Variants in UGT1A7 observed in about 807,000 individuals in gnomAD.
UGT1A7 encodes UDP-glucuronosyltransferase 1A7.
UGT1A7 carries 33 observed loss-of-function variants against 45.6 expected under a neutral mutation model. The ratio of observed to expected loss-of-function variants is 0.72; its 90% CI spans 0.55 to 0.97. The LOEUF is 0.97. UGT1A7 is among the 50% of genes least tolerant of loss of function. UGT1A7 has a pLI of 0.00. For synonymous variants in UGT1A7, 274 were observed against 250.6 expected (o/e 1.09, Z -0.88); for missense variants, 684 against 666.2 (o/e 1.03, Z -0.29).
intron 1 of UGT1A7, among the ~76,000 whole-genome samples, chr2:233,715,142 T>C (rs555034486): frequency 2.0e-5 from 3 of 152,334 alleles, no homozygotes; most frequent in Admixed American, 2.0e-4. Flanking sequence ...CACCTCAGCC[T>C]GCCAAAGTGC....
At position 233,772,640 on chromosome 2, in the gene UGT1A7, C is replaced by T; in HGVS notation, c.*81C>T. On this transcript the variant is annotated 3_prime_UTR_variant, in exon 5 of 5. Transcript: ENST00000373426. ...TTGAAAACAGAATCAGTGTTAAATTCATTTTATTCTTATTAAGGAAATACT... is the reference window on the plus strand; with the variant it reads ...TTGAAAACAGAATCAGTGTTAAATTTATTTTATTCTTATTAAGGAAATACT... 2 of 1,552,730 alleles carry T rather than the reference C, an allele frequency of 1.3e-6. No individual in the cohort carries two copies. The highest frequency in any genetic ancestry group is 1.7e-6 in the Non-Finnish European group (2 of 1,148,442).
intron 1 of UGT1A7, chr2:233,693,996 G>A: frequency 6.6e-7 from 1 of 1,508,250 alleles, no homozygotes; most frequent in South Asian, 1.3e-5. Context: ...GTGATACCCG[G>A]CTCGGAGCAG....
Position 233,729,749 on chromosome 2 carries a change from T to C in UGT1A7, c.856-37285T>C, listed in dbSNP as rs747302247. On this transcript the variant is annotated intron_variant, in intron 1 of 4. Coordinates refer to ENST00000373426, the MANE Select transcript of UGT1A7 (RefSeq NM_019077.3). ...ACCAATTCAGACCACATGACATTCA[T>C]GCAAAGGGTCAAGAACATGCTCTAC... The C allele has an allele frequency of 6.2e-6, 10 of 1,613,882 alleles. No homozygotes were observed. In the Admixed American group the frequency reaches 8.3e-5, roughly 13 times the overall value.
intron 4 of UGT1A7, 143 bp downstream of exon 4, chr2:233,768,582 CTTTTT>C: frequency 1.9e-3 from 1,917 of 1,027,810 alleles, no homozygotes; most frequent in East Asian, 5.4e-3. Flanking sequence ...TTTATTTCTT[CTTTTT>C]TTTTTTTTTT....
intron 1 of UGT1A7, chr2:233,693,250 T>A (rs139492272): frequency 1.9e-6 from 3 of 1,614,198 alleles, no homozygotes; most frequent in Non-Finnish European, 2.5e-6. Context: ...CAGTGCCGTA[T>A]GACCAAGAAG....
At chr2:233,764,342 C>T (rs1016981784) in intron 1 of UGT1A7, among the ~76,000 whole-genome samples, 3 of 152,154 alleles carry the variant, frequency 2.0e-5, no homozygotes, top group Admixed American at 1.3e-4. Context: ...ATGGACTTCA[C>T]CTTTATTGAG....
At chr2:233,730,105 C>T (rs1305477066) in intron 1 of UGT1A7, 1 of 1,574,650 alleles carries the variant, frequency 6.4e-7, no homozygotes, top group Non-Finnish European at 8.6e-7. Context: ...TATTTCATTT[C>T]TGCTTCTCCT....
chr2:233,759,341 G>A (rs1697111060), intron 1 of UGT1A7, among the ~76,000 whole-genome samples: 1 of 152,134 alleles, frequency 6.6e-6, no homozygotes, highest in Non-Finnish European at 1.5e-5. Context: ...GTTCAGGTGA[G>A]CGCTGAAAAT....
intron 1 of UGT1A7, chr2:233,729,580 G>T (rs1173823141): frequency 2.5e-6 from 4 of 1,613,992 alleles, no homozygotes; most frequent in Non-Finnish European, 3.4e-6. Flanking sequence ...GGTTTTAACA[G>T]ACCCCGTTAA....
intron 1 of UGT1A7, chr2:233,761,072 A>T (rs1451879441): frequency 1.2e-6 from 2 of 1,614,208 alleles, no homozygotes; most frequent in Non-Finnish European, 1.7e-6. Flanking sequence ...GACTTTGTGA[A>T]GGATTACCCT....
intron 1 of UGT1A7, among the ~76,000 whole-genome samples, chr2:233,683,553 C>G (rs989486799): frequency 6.6e-6 from 1 of 152,058 alleles, no homozygotes; most frequent in South Asian, 2.1e-4. Flanking sequence ...TGAGATTGGC[C>G]TTCTTTTGCT....
At chr2:233,747,425 A>T in intron 1 of UGT1A7, 8 of 1,445,640 alleles carry the variant, frequency 5.5e-6, no homozygotes, top group Non-Finnish European at 7.7e-6. Flanking sequence ...ACATCAAACA[A>T]GAGAAATTTT....
intron 1 of UGT1A7, chr2:233,747,077 TAGG>T: frequency 9.2e-7 from 1 of 1,083,878 alleles, no homozygotes; most frequent in South Asian, 1.6e-5. Context: ...AATAATTAAC[TAGG>T]AGGAGAGCAC....
In UGT1A7 at chr2:233,682,172, A is replaced by G. The variant is rs1163934109; in HGVS notation, c.235A>G (p.Thr79Ala). Residue 79 changes from threonine to alanine, a missense_variant, in exon 1 of 5, where the codon ACC becomes GCC. Physicochemically the swap from Thr to Ala is moderately conservative, Grantham distance 58. Transcript: ENST00000373426. ...SLNCTVKTYS[T>A]SYTLEDQDRE... ...GAATTGCACAGTGAAGACTTACTCA[A>G]CCTCATACACTCTGGAGGATCAGGA... The G allele has an allele frequency of 6.2e-6, 10 of 1,614,058 alleles. No individual in the cohort carries two copies. The highest frequency in any genetic ancestry group is 3.3e-5 in the Admixed American group (2 of 60,006).
At chr2:233,763,063 T>C (rs1220667382) in intron 1 of UGT1A7, among the ~76,000 whole-genome samples, 1 of 152,230 alleles carries the variant, frequency 6.6e-6, no homozygotes, top group Admixed American at 6.5e-5. Flanking sequence ...TTTAGATAAT[T>C]TCCTTCTTTG....
intron 1 of UGT1A7, chr2:233,747,297 T>C: frequency 6.2e-7 from 1 of 1,601,102 alleles, no homozygotes; most frequent in Admixed American, 1.7e-5. Context: ...GGGCTGAGAG[T>C]GGGAAGGTGC....
chr2:233,723,542 A>ATTTTTTTTTTT (rs2077098328), intron 1 of UGT1A7, among the ~76,000 whole-genome samples: 1 of 74,518 alleles, frequency 1.3e-5, no homozygotes. Context: ...TTTTTAATTT[A>ATTTTTTTTTTT]TTTTTTTATT....
At chr2:233,743,998 C>T (rs1199821485) in intron 1 of UGT1A7, 12 of 1,233,642 alleles carry the variant, frequency 9.7e-6, no homozygotes, top group African/African-American at 6.3e-5. Flanking sequence ...CCCGAGTGCT[C>T]GGAGACCTGG....
At chr2:233,762,564 C>T (rs537495402) in intron 1 of UGT1A7, among the ~76,000 whole-genome samples, 6 of 152,312 alleles carry the variant, frequency 3.9e-5, no homozygotes, top group African/African-American at 1.4e-4. Context: ...GAGATCTAGT[C>T]TAGTTCCCCA....
Sources: gnomAD v4.1 joint callset for allele counts (sites outside exome capture counted in the v4.1 genomes callset) on GRCh38, gnomAD v4.1.1 for gene constraint, MANE v1.5 for transcripts, NCBI Gene and HGNC (gene_info 2026-07-23, HGNC 2026-07-21) for gene names.